Variants in LINGO2 observed in about 807,000 individuals in gnomAD.
LINGO2 encodes leucine rich repeat and Ig domain containing 2.
A neutral mutation model predicts 30.6 loss-of-function variants in LINGO2; 14 were observed. The ratio of observed to expected loss-of-function variants is 0.46; its 90% confidence interval spans 0.30 to 0.72. The LOEUF (loss-of-function observed/expected upper bound fraction) is 0.72, where lower values mean the gene tolerates loss of function less well. LINGO2 is among the 30% of genes least tolerant of loss of function. The pLI is 0.07. For synonymous variants in LINGO2, 317 were observed against 288.5 expected (o/e 1.10, Z -1.00); for missense variants, 729 against 751.7 (o/e 0.97, Z 0.35).
the LINGO2 span, among the ~76,000 whole-genome samples, chr9:29,125,081 T>TA: frequency 1.3e-5 from 2 of 152,034 alleles, no homozygotes; most frequent in Non-Finnish European, 2.9e-5. Flanking sequence ...TATGCAGCCA[T>TA]AAAAAAGAAT....
chr9:29,068,479 A>C, the LINGO2 span, among the ~76,000 whole-genome samples: 1 of 151,848 alleles, frequency 6.6e-6, no homozygotes, highest in Admixed American at 6.6e-5. Flanking sequence ...GAAAGCTTTC[A>C]ATGTCAATAT....
chr9:29,067,494 C>T, the LINGO2 span, among the ~76,000 whole-genome samples: 24 of 151,772 alleles, frequency 1.6e-4, no homozygotes, highest in African/African-American at 5.3e-4. Flanking sequence ...ATGAGCAGGA[C>T]TTGTGGTCTC....
intron 5 of LINGO2, among the ~76,000 whole-genome samples, chr9:27,992,058 C>A (rs1042750375): frequency 2.6e-5 from 4 of 151,990 alleles, no homozygotes; most frequent in African/African-American, 9.7e-5. Context: ...CGCATTTCTC[C>A]AACTTTTCTG....
chr9:28,350,816 AATC>A (rs1819843505), intron 3 of LINGO2, among the ~76,000 whole-genome samples: 1 of 151,522 alleles, frequency 6.6e-6, no homozygotes, highest in Admixed American at 6.6e-5. Flanking sequence ...ACCACAGTGC[AATC>A]AAACTAGAAC....
intron 5 of LINGO2, among the ~76,000 whole-genome samples, chr9:27,956,293 A>G (rs1254092443): frequency 6.6e-6 from 1 of 151,708 alleles, no homozygotes; most frequent in Non-Finnish European, 1.5e-5. Context: ...ATCTCTTTGC[A>G]TTTTCCTCAT....
the LINGO2 span, among the ~76,000 whole-genome samples, chr9:28,817,216 A>G: frequency 6.7e-6 from 1 of 148,874 alleles, no homozygotes; most frequent in South Asian, 2.2e-4. Flanking sequence ...TTCCTGAGCT[A>G]TGTAAGGATT....
At chr9:28,055,995 G>T (rs13286276) in intron 4 of LINGO2, among the ~76,000 whole-genome samples, 3,732 of 152,198 alleles carry the variant, frequency 0.025, 75 homozygotes, top group Middle Eastern at 0.037. Context: ...CCTTCATTAT[G>T]AGACGAAAAG....
chr9:28,037,088 G>C (rs1024687418), intron 4 of LINGO2, among the ~76,000 whole-genome samples: 3 of 152,142 alleles, frequency 2.0e-5, no homozygotes, highest in Non-Finnish European at 4.4e-5. Context: ...CTATTTCTAA[G>C]GATCCGAGTT....
At chr9:29,207,300 T>G in the LINGO2 span, among the ~76,000 whole-genome samples, 60 of 152,252 alleles carry the variant, frequency 3.9e-4, no homozygotes, top group South Asian at 0.012. Flanking sequence ...CACAAGGCAC[T>G]GTTGTTGACT....
intron 4 of LINGO2, among the ~76,000 whole-genome samples, chr9:28,262,260 C>T (rs1228725673): frequency 1.3e-5 from 1 of 79,476 alleles, no homozygotes; most frequent in Non-Finnish European, 2.8e-5. Flanking sequence ...CTAGTCCTTA[C>T]TGAATATTAC....
At chr9:28,436,487 T>C (rs1451530895) in intron 2 of LINGO2, among the ~76,000 whole-genome samples, 1 of 151,812 alleles carries the variant, frequency 6.6e-6, no homozygotes. Context: ...AGATGGAGTC[T>C]CGCTCTGTCG....
chr9:28,068,265 C>T lies in LINGO2; in HGVS notation c.-86-55860G>A, dbSNP rs143948961. Among the ~76,000 whole-genome samples the T allele has an allele frequency of 5.3e-5, 8 of 152,222 alleles. No homozygotes were observed. The East Asian group carries it at 1.4e-3, about 26-fold the overall frequency. On this transcript the variant is annotated intron_variant, in intron 4 of 5. Coordinates refer to ENST00000379992, the Ensembl canonical transcript of LINGO2. ...TTTCTAGAGGCTGCAAAGTCCAAGGCCAAAGTGCTTTAAAGGTAGGTTTCT... is the reference window on the plus strand; with the variant it reads ...TTTCTAGAGGCTGCAAAGTCCAAGGTCAAAGTGCTTTAAAGGTAGGTTTCT...
intron 1 of LINGO2, among the ~76,000 whole-genome samples, chr9:28,588,592 C>G (rs1001569609): frequency 7.7e-6 from 1 of 129,220 alleles, no homozygotes; most frequent in Non-Finnish European, 1.6e-5. Context: ...TTAATGAGTT[C>G]AGGTTAAAAC....
At chr9:28,934,074 G>A in the LINGO2 span, among the ~76,000 whole-genome samples, 1 of 152,148 alleles carries the variant, frequency 6.6e-6, no homozygotes, top group Admixed American at 6.5e-5. Flanking sequence ...CTTCTTCCTG[G>A]CCAATGTAAC....
the LINGO2 span, among the ~76,000 whole-genome samples, chr9:29,010,786 G>C: frequency 6.6e-6 from 1 of 152,118 alleles, no homozygotes; most frequent in Non-Finnish European, 1.5e-5. Flanking sequence ...TCAGGAGGCT[G>C]AGGCAGAATC....
the LINGO2 span, among the ~76,000 whole-genome samples, chr9:28,714,188 T>TATAC: frequency 0.012 from 887 of 73,340 alleles, 24 homozygotes; most frequent in East Asian, 0.088. Flanking sequence ...TATATATATA[T>TATAC]ACACACATAC....
chr9:28,758,847 A>G, the LINGO2 span, among the ~76,000 whole-genome samples: 1 of 152,068 alleles, frequency 6.6e-6, no homozygotes, highest in South Asian at 2.1e-4. Flanking sequence ...AACTTACTGG[A>G]TCCATTTACT....
chr9:29,062,391 G>A, the LINGO2 span, among the ~76,000 whole-genome samples: 1 of 152,118 alleles, frequency 6.6e-6, no homozygotes, highest in Admixed American at 6.6e-5. Context: ...GCACACCCAT[G>A]CTCACTGCAG....
At chr9:29,074,014 T>C in the LINGO2 span, among the ~76,000 whole-genome samples, 13 of 144,544 alleles carry the variant, frequency 9.0e-5, no homozygotes, top group East Asian at 2.5e-3. Flanking sequence ...ATTTTCACAA[T>C]TTTTCTTTAA....
Sources: allele counts gnomAD v4.1 joint callset (sites outside exome capture counted in the v4.1 genomes callset), GRCh38; gene constraint gnomAD v4.1.1; transcripts MANE v1.5; gene names NCBI Gene and HGNC (gene_info 2026-07-23, HGNC 2026-07-21).